Variants in CELF2 observed in about 807,000 individuals in gnomAD.
CELF2 encodes CUG triplet repeat RNA-binding protein 2.
A neutral mutation model predicts 62.6 loss-of-function variants in CELF2; 8 were observed. The observed-to-expected ratio is 0.13, with a 90% CI of 0.07 to 0.23. The LOEUF (loss-of-function observed/expected upper bound fraction) is 0.23, where lower values mean the gene tolerates loss of function less well. Among genes scored for constraint, CELF2 ranks in the 10% least tolerant of loss-of-function variants. The pLI is 1.00. For synonymous variants in CELF2, 258 were observed against 250.0 expected (o/e 1.03, Z -0.30); for missense variants, 333 against 671.0 (o/e 0.50, Z 5.56).
chr10:10,467,431 G>A, the CELF2 span, among the ~76,000 whole-genome samples: 1 of 151,916 alleles, frequency 6.6e-6, no homozygotes, highest in African/African-American at 2.4e-5. Context: ...TCTGTACCAT[G>A]GATTTATACA....
At chr10:11,216,254 G>A (rs1398406843) in intron 2 of CELF2, among the ~76,000 whole-genome samples, 4 of 152,158 alleles carry the variant, frequency 2.6e-5, no homozygotes, top group Admixed American at 6.5e-5. Flanking sequence ...TCTTCCAAAC[G>A]AGGAAGAATC....
At chr10:10,885,867 T>C (rs1249072916) in intron 1 of CELF2, among the ~76,000 whole-genome samples, 2 of 152,178 alleles carry the variant, frequency 1.3e-5, no homozygotes, top group Non-Finnish European at 2.9e-5. Flanking sequence ...TCTGCTAGTC[T>C]CCTCCTATGA....
chr10:10,726,615 G>A, the CELF2 span, among the ~76,000 whole-genome samples: 5 of 152,286 alleles, frequency 3.3e-5, no homozygotes, highest in East Asian at 7.7e-4. Context: ...AGGGAGAAAT[G>A]TGTTTGCTCC....
intron 1 of CELF2, among the ~76,000 whole-genome samples, chr10:11,099,699 A>G (rs2142407909): frequency 6.6e-6 from 1 of 152,226 alleles, no homozygotes; most frequent in Non-Finnish European, 1.5e-5. Flanking sequence ...TGTTACCGTA[A>G]TATATTTGGC....
At chr10:11,138,462 G>A (rs568750750) in intron 1 of CELF2, among the ~76,000 whole-genome samples, 2 of 152,270 alleles carry the variant, frequency 1.3e-5, no homozygotes, top group East Asian at 3.9e-4. Context: ...TTCCATGCTT[G>A]TCCTGGGTCT....
At chr10:10,538,821 T>C in the CELF2 span, among the ~76,000 whole-genome samples, 1 of 152,240 alleles carries the variant, frequency 6.6e-6, no homozygotes, top group African/African-American at 2.4e-5. Context: ...TCTTATGAGC[T>C]GGAAGGAACC....
intron 1 of CELF2, among the ~76,000 whole-genome samples, chr10:10,819,612 C>A (rs1290084902): frequency 6.6e-6 from 1 of 152,164 alleles, no homozygotes; most frequent in Non-Finnish European, 1.5e-5. Context: ...TTCTCTCCTG[C>A]ATCTGTGCTC....
chr10:11,226,693 GC>G (rs1401310568), intron 3 of CELF2, among the ~76,000 whole-genome samples: 3 of 151,944 alleles, frequency 2.0e-5, no homozygotes, highest in African/African-American at 7.3e-5. Flanking sequence ...CAGCGGCTGT[GC>G]CCAAGGTGGG....
In CELF2 at chr10:11,005,742, A is replaced by C. The variant is rs1166993194; in HGVS notation, c.53+302A>C. Among the ~76,000 whole-genome samples, 1 of 152,182 alleles carries C rather than the reference A, an allele frequency of 6.6e-6. No homozygotes were observed. Among genetic ancestry groups the C allele is most frequent in the East Asian group, 1.9e-4 (1 of 5,196 alleles). ...CAGTGGATAATTTTAAGGGCTCTGA[A>C]TCTGGATCTTGGTTCGTCTTTTCCT... is the stretch of plus-strand genomic sequence containing the variant. On this transcript the variant is annotated intron_variant, in intron 1 of 12. Transcript: ENST00000416382. The surrounding 1 kb of genome is among the most constrained non-coding windows in gnomAD (Gnocchi z 4.3).
intron 7 of CELF2, among the ~76,000 whole-genome samples, chr10:11,274,802 T>C (rs528073882): frequency 6.6e-6 from 1 of 152,114 alleles, no homozygotes; most frequent in East Asian, 1.9e-4. Context: ...ATCTAACACC[T>C]GGTTGTTAAA....
rs1331695184 is a variant in CELF2, at chr10:11,319,359, A to G, written c.1097-1830A>G. The G allele has an allele frequency of 1.1e-5, 4 of 349,348 alleles. No homozygotes were observed. The highest frequency in any genetic ancestry group is 2.1e-5 in the African/African-American group (1 of 46,564). 21.6% of individuals were successfully genotyped at this position (349,348 alleles called of 1,614,324 possible). On this transcript the variant is annotated intron_variant, in intron 10 of 12. Transcript: ENST00000633077. The surrounding 1 kb of genome is among the most constrained non-coding windows in gnomAD (Gnocchi z 4.4). The stretch of plus-strand genomic sequence containing the variant: ...GGTGAGGATGAAGTAAGATCACTGG[A>G]GGAATAGAGAAATGACTCTCCAGCC...
rs140285968 is a variant in CELF2, at chr10:11,297,122, G to A, written c.976+8570G>A. On this transcript the variant is annotated intron_variant, in intron 9 of 12. Coordinates refer to ENST00000633077, the MANE Select transcript of CELF2 (RefSeq NM_001326342.2). This position sits in a 1 kb window ranked among gnomAD's most constrained non-coding sequence, Gnocchi z 4.4. ...AAAGGAAAGGAGGAAAAATGATATG[G>A]TGTGTTGGGCCTGGGTGGCCAGTGG... Among the ~76,000 whole-genome samples the A allele has an allele frequency of 6.6e-6, 1 of 152,206 alleles. No individual in the cohort carries two copies. The highest frequency in any genetic ancestry group is 6.5e-5 in the Admixed American group (1 of 15,284).
rs530421453 is a variant in CELF2, at chr10:11,305,702, G to A, written c.977-8437G>A. On this transcript the variant is annotated intron_variant, in intron 9 of 12. Transcript: ENST00000633077. This position sits in a 1 kb window ranked among gnomAD's most constrained non-coding sequence, Gnocchi z 4.8. ...AACCTAAGACAAGAATCTCTTCTGG[G>A]TGTAGTGTTCATCCCAGACCTAGCA... 6.6e-6 allele frequency among the ~76,000 whole-genome samples: 1 copy of A among 152,318 alleles called. No individual in the cohort carries two copies. Among genetic ancestry groups the A allele is most frequent in the South Asian group, 2.1e-4 (1 of 4,830 alleles).
chr10:10,589,965 A>T, the CELF2 span, among the ~76,000 whole-genome samples: 1 of 152,266 alleles, frequency 6.6e-6, no homozygotes, highest in South Asian at 2.1e-4. Flanking sequence ...CCTACCTCTA[A>T]GTAGCCCATT....
the CELF2 span, among the ~76,000 whole-genome samples, chr10:10,750,904 G>A: frequency 3.3e-5 from 5 of 152,264 alleles, no homozygotes; most frequent in South Asian, 2.1e-4. Flanking sequence ...CACTAAATCC[G>A]TTCCATTCTT....
intron 1 of CELF2, among the ~76,000 whole-genome samples, chr10:11,087,159 T>C (rs1338187553): frequency 6.6e-6 from 1 of 152,308 alleles, no homozygotes; most frequent in South Asian, 2.1e-4. Flanking sequence ...GTGTTGAGAA[T>C]GTTTGCTGAG....
intron 1 of CELF2, chr10:10,798,825 T>A: frequency 2.5e-6 from 1 of 398,870 alleles, no homozygotes; most frequent in East Asian, 3.6e-5. Context: ...AAGGTAGGCC[T>A]GCTTTGCTTT....
the CELF2 span, among the ~76,000 whole-genome samples, chr10:10,702,080 C>A: frequency 6.6e-6 from 1 of 152,076 alleles, no homozygotes; most frequent in East Asian, 1.9e-4. Context: ...TGGAGGGGAG[C>A]GGCAGATTTG....
At chr10:10,627,678 T>C in the CELF2 span, among the ~76,000 whole-genome samples, 1 of 152,010 alleles carries the variant, frequency 6.6e-6, no homozygotes, top group African/African-American at 2.4e-5. Flanking sequence ...ACCTATGGGG[T>C]CAACTTAAGA....
Sources: gnomAD v4.1 joint callset for allele counts (sites outside exome capture counted in the v4.1 genomes callset) on GRCh38, gnomAD v4.1.1 for gene constraint, Gnocchi (gnomAD v3.1) non-coding constraint, MANE v1.5 for transcripts, NCBI Gene and HGNC (gene_info 2026-07-23, HGNC 2026-07-21) for gene names.